Variants in PAX3 observed in about 807,000 individuals in gnomAD.
PAX3 encodes paired box 3.
PAX3 carries 14 observed loss-of-function variants against 51.6 expected under a neutral mutation model. The observed-to-expected ratio is 0.27, with a 90% CI of 0.18 to 0.42. The LOEUF (loss-of-function observed/expected upper bound fraction) is 0.42, where lower values mean the gene tolerates loss of function less well. Among genes scored for constraint, PAX3 ranks in the 10% least tolerant of loss-of-function variants. The pLI is 1.00. For missense variants in PAX3, 540 were observed against 642.8 expected (o/e 0.84, Z 1.73); for synonymous variants, 280 against 253.4 (o/e 1.11, Z -1.00).
chr2:222,281,601 G>T (rs1694649352), intron 4 of PAX3, among the ~76,000 whole-genome samples: 1 of 152,178 alleles, frequency 6.6e-6, no homozygotes, highest in Non-Finnish European at 1.5e-5. Context: ...CTAAATGTTT[G>T]TTGAGAACAT....
chr2:222,235,684 G>A (rs1183415159), intron 4 of PAX3, among the ~76,000 whole-genome samples: 3 of 152,128 alleles, frequency 2.0e-5, no homozygotes, highest in African/African-American at 7.2e-5. Flanking sequence ...AGGGAGGACA[G>A]AAACTTCCAG....
At chr2:222,244,734 C>CA (rs35127003) in intron 4 of PAX3, among the ~76,000 whole-genome samples, 5,572 of 109,588 alleles carry the variant, frequency 0.051, 220 homozygotes, top group African/African-American at 0.12. Flanking sequence ...TATTGTTCAC[C>CA]AAAAAAAAAA....
At chr2:222,205,130 G>A (rs1053401200) in intron 7 of PAX3, among the ~76,000 whole-genome samples, 1 of 152,100 alleles carries the variant, frequency 6.6e-6, no homozygotes, top group East Asian at 1.9e-4. Context: ...TTTGGCAGTC[G>A]CTGCGTTAGA....
intron 4 of PAX3, among the ~76,000 whole-genome samples, chr2:222,272,138 T>C (rs1559300449): frequency 6.6e-6 from 1 of 152,156 alleles, no homozygotes; most frequent in Non-Finnish European, 1.5e-5. Flanking sequence ...TAGCCGCCAC[T>C]GTTTATCCCA....
At chr2:222,287,753 A>C (rs564790937) in intron 4 of PAX3, among the ~76,000 whole-genome samples, 1 of 152,332 alleles carries the variant, frequency 6.6e-6, no homozygotes, top group South Asian at 2.1e-4. Context: ...TTGAGCACAG[A>C]TGGATTATTA....
intron 3 of PAX3, 30 bp downstream of exon 3, chr2:222,295,498 G>C: frequency 6.2e-7 from 1 of 1,613,640 alleles, no homozygotes; most frequent in Non-Finnish European, 8.5e-7. Flanking sequence ...TGACTGTCGC[G>C]CCTCGGGGAG....
At chr2:222,280,426 AAAGGAAGG>A (rs796204700) in intron 4 of PAX3, among the ~76,000 whole-genome samples, 3 of 151,430 alleles carry the variant, frequency 2.0e-5, no homozygotes, top group African/African-American at 4.9e-5. Context: ...AGAAAGAAAG[AAAGGAAGG>A]AAGGAAGGAA....
chr2:222,237,327 C>CACACACACACACAG (rs1692836770), intron 4 of PAX3, among the ~76,000 whole-genome samples: 2 of 2,848 alleles, frequency 7.0e-4, no homozygotes, highest in African/African-American at 1.7e-3. Context: ...TTATCACATG[C>CACACACACACACAG]ACACACACAC....
intron 4 of PAX3, among the ~76,000 whole-genome samples, chr2:222,252,796 C>T (rs1039765309): frequency 2.6e-5 from 4 of 152,038 alleles, no homozygotes; most frequent in Non-Finnish European, 4.4e-5. Context: ...ATTAATTATA[C>T]CCCAAAACTG....
intron 4 of PAX3, among the ~76,000 whole-genome samples, chr2:222,265,698 GATT>G (rs1694033647): frequency 6.6e-6 from 1 of 152,088 alleles, no homozygotes; most frequent in Non-Finnish European, 1.5e-5. Flanking sequence ...AAGGGAGAAA[GATT>G]GATTTTGATT....
At chr2:222,260,589 T>TG (rs1693820932) in intron 4 of PAX3, among the ~76,000 whole-genome samples, 1 of 53,834 alleles carries the variant, frequency 1.9e-5, no homozygotes, top group Non-Finnish European at 3.9e-5. Flanking sequence ...TTTTTTTTTT[T>TG]TGTTTTTTTT....
intron 4 of PAX3, among the ~76,000 whole-genome samples, chr2:222,277,466 T>C (rs890564829): frequency 6.6e-6 from 1 of 152,146 alleles, no homozygotes; most frequent in African/African-American, 2.4e-5. Flanking sequence ...ACGCTCATAC[T>C]CCCTGTCATT....
Position 222,294,758 on chromosome 2 carries a change from GC to G in PAX3, c.452-458del, listed in dbSNP as rs368069047. On this transcript the variant is annotated intron_variant, in intron 3 of 8. Transcript: ENST00000392070. Reference sequence around the variant, plus strand: ...GAAGAACCAAAGCCGACTTGTCCGCGCCCCCCCCCACCCCCCCGTAAATCAA... The same window carrying G: ...GAAGAACCAAAGCCGACTTGTCCGCGCCCCCCCCACCCCCCCGTAAATCAA... Among the ~76,000 whole-genome samples the G allele has an allele frequency of 4.4e-3, 387 of 87,100 alleles. 2 individuals are homozygous for G. Among genetic ancestry groups the G allele is most frequent in the East Asian group, 0.011 (31 of 2,768 alleles). The allele number at this position is 87,100 out of a possible 152,430, so 57.1% of individuals were successfully genotyped here. A position where few individuals can be genotyped will look rare whatever the true frequency, so the allele number is the denominator to read the frequency against.
chr2:222,235,819 G>A (rs1396088735), intron 4 of PAX3, among the ~76,000 whole-genome samples: 4 of 152,178 alleles, frequency 2.6e-5, no homozygotes, highest in South Asian at 2.1e-4. Context: ...CAATAGGACA[G>A]CCGTTACCAC....
At position 222,232,081 on chromosome 2, in the gene PAX3, T is replaced by C; in HGVS notation, c.789A>G (p.Val263=). 6.2e-7 allele frequency: 1 copy of C among 1,613,738 alleles called. No individual in the cohort carries two copies. The highest frequency in any genetic ancestry group is 1.1e-5 in the South Asian group (1 of 91,066). The change falls in exon 5 of 9, where the codon GTA becomes GTG. Residue 263 remains valine, a synonymous_variant. Transcript: ENST00000392070. ...AQRAKLTEAR[V]QVWFSNRRAR... ...ACGGAGGTTTGGGCAACAGTACCTGTACTCGGGCCTCGGTGAGCTTCGCCC... is the reference window on the plus strand; with the variant it reads ...ACGGAGGTTTGGGCAACAGTACCTGCACTCGGGCCTCGGTGAGCTTCGCCC...
intron 2 of PAX3, 35 bp downstream of exon 2, chr2:222,296,943 T>A: frequency 6.4e-7 from 1 of 1,553,052 alleles, no homozygotes; most frequent in Non-Finnish European, 8.8e-7. Context: ...GGGACCACAG[T>A]CTGGGAGCCA....
chr2:222,213,839 G>A lies in PAX3; in HGVS notation c.1173+6301C>T, dbSNP rs904859052. On this transcript the variant is annotated intron_variant, in intron 7 of 8. Coordinates refer to ENST00000392070, the MANE Select transcript of PAX3 (RefSeq NM_181458.4). ...AACGAATGCCTTATCAACAAGACTA[G>A]CATCAGGTAGCTTCTGGATGCGTAC... is the stretch of plus-strand genomic sequence containing the variant. Among the ~76,000 whole-genome samples, 5 of 152,290 alleles carry A rather than the reference G, an allele frequency of 3.3e-5. No individual in the cohort carries two copies. In the South Asian group the frequency reaches 6.2e-4, roughly 19 times the overall value.
intron 4 of PAX3, 22 bp downstream of exon 4, chr2:222,294,145 C>T (rs1292972769): frequency 6.2e-7 from 1 of 1,613,910 alleles, no homozygotes; most frequent in Non-Finnish European, 8.5e-7. Context: ...GCAAGTGCGC[C>T]GCCCAAGGCG....
chr2:222,243,830 G>T (rs758103987), intron 4 of PAX3, among the ~76,000 whole-genome samples: 3 of 152,292 alleles, frequency 2.0e-5, no homozygotes, highest in Non-Finnish European at 4.4e-5. Flanking sequence ...ATTGAAAGAG[G>T]TAATAACTGA....
Sources: allele counts gnomAD v4.1 joint callset (sites outside exome capture counted in the v4.1 genomes callset), GRCh38; gene constraint gnomAD v4.1.1; transcripts MANE v1.5; gene names NCBI Gene and HGNC (gene_info 2026-07-23, HGNC 2026-07-21).